The following ARHGAP10 variants were observed in gnomAD, a reference collection of about 807,000 sequenced individuals.
The protein encoded by ARHGAP10 is Rho GTPase activating protein 10, also known as rho GTPase-activating protein 10.
In ARHGAP10, 87 loss-of-function variants were observed where a neutral mutation model predicts 108.6. The observed-to-expected ratio is 0.80, with a 90% CI of 0.67 to 0.96. The LOEUF (loss-of-function observed/expected upper bound fraction) is 0.96. Among genes scored for constraint, ARHGAP10 ranks in the 40% least tolerant of loss-of-function variants. ARHGAP10 has a pLI of 0.00. For synonymous variants in ARHGAP10, 347 were observed against 341.1 expected (o/e 1.02, Z -0.19); for missense variants, 939 against 954.5 (o/e 0.98, Z 0.21).
chr4:148,012,505 GA>G (rs1741206368), intron 18 of ARHGAP10, among the ~76,000 whole-genome samples: 1 of 152,218 alleles, frequency 6.6e-6, no homozygotes, highest in African/African-American at 2.4e-5. Flanking sequence ...ACAGGAGTGA[GA>G]GGGGGAACAG....
intron 10 of ARHGAP10, among the ~76,000 whole-genome samples, chr4:147,889,387 C>T (rs1735698930): frequency 6.6e-6 from 1 of 152,202 alleles, no homozygotes; most frequent in Non-Finnish European, 1.5e-5. Flanking sequence ...GCAACCTCTG[C>T]CTCCCAGGTT....
chr4:147,891,695 A>G (rs532446885), intron 10 of ARHGAP10, among the ~76,000 whole-genome samples: 2 of 152,208 alleles, frequency 1.3e-5, no homozygotes. Flanking sequence ...AGGGTCTTAA[A>G]TCACTATAAA....
chr4:147,982,546 C>CTTTTTTTT (rs753773443), intron 18 of ARHGAP10, among the ~76,000 whole-genome samples: 30 of 66,228 alleles, frequency 4.5e-4, no homozygotes, highest in Non-Finnish European at 5.2e-4. Context: ...CCAGCTAAAT[C>CTTTTTTTT]TTTTTTTTTT....
intron 18 of ARHGAP10, among the ~76,000 whole-genome samples, chr4:147,982,546 CTTT>C (rs753773443): frequency 1.2e-4 from 8 of 66,272 alleles, no homozygotes; most frequent in African/African-American, 3.5e-4. Flanking sequence ...CCAGCTAAAT[CTTT>C]TTTTTTTTTT....
chr4:147,785,354 A>G (rs1730847726), intron 1 of ARHGAP10, among the ~76,000 whole-genome samples: 6 of 152,126 alleles, frequency 3.9e-5, no homozygotes, highest in Middle Eastern at 3.4e-3. Flanking sequence ...CCCGGATTTG[A>G]CATGTATTGG....
intron 13 of ARHGAP10, among the ~76,000 whole-genome samples, chr4:147,932,601 A>G (rs1396631259): frequency 6.6e-6 from 1 of 151,688 alleles, no homozygotes; most frequent in Non-Finnish European, 1.5e-5. Flanking sequence ...GGAGCTAAAT[A>G]ATAACACATG....
At chr4:147,963,758 A>C (rs2126994801) in intron 16 of ARHGAP10, among the ~76,000 whole-genome samples, 1 of 152,272 alleles carries the variant, frequency 6.6e-6, no homozygotes, top group East Asian at 1.9e-4. Context: ...AGACTGTAGG[A>C]GGGATCCCTC....
intron 18 of ARHGAP10, among the ~76,000 whole-genome samples, chr4:147,989,186 A>G (rs1352307453): frequency 6.6e-6 from 1 of 152,234 alleles, no homozygotes; most frequent in Non-Finnish European, 1.5e-5. Context: ...GAGTTTCAAA[A>G]GGGGAGGGAG....
chr4:147,824,614 A>G (rs1253739121), intron 3 of ARHGAP10, among the ~76,000 whole-genome samples: 1 of 152,028 alleles, frequency 6.6e-6, no homozygotes, highest in Admixed American at 6.5e-5. Context: ...TGGAAGGCAA[A>G]GGAGAAGCTG....
chr4:147,756,757 A>G (rs922076768), intron 1 of ARHGAP10, among the ~76,000 whole-genome samples: 2 of 152,172 alleles, frequency 1.3e-5, no homozygotes, highest in African/African-American at 4.8e-5. Context: ...CTCCCTGGAT[A>G]AGGGGGGACC....
chr4:147,911,127 C>G (rs566556114), intron 12 of ARHGAP10, among the ~76,000 whole-genome samples: 1 of 152,022 alleles, frequency 6.6e-6, no homozygotes, highest in East Asian at 1.9e-4. Flanking sequence ...TTAGAAAACA[C>G]GGTTTTGCTA....
chr4:148,055,505 A>G (rs185616739), intron 20 of ARHGAP10, among the ~76,000 whole-genome samples: 15 of 152,342 alleles, frequency 9.8e-5, no homozygotes, highest in Admixed American at 7.8e-4. Flanking sequence ...CCTGGCCAAC[A>G]TGGTGAAACC....
intron 8 of ARHGAP10, among the ~76,000 whole-genome samples, chr4:147,877,206 TATC>T (rs1735107612): frequency 6.6e-6 from 1 of 152,140 alleles, no homozygotes; most frequent in Non-Finnish European, 1.5e-5. Flanking sequence ...AAATAGACAG[TATC>T]ATCCTCTCTG....
At chr4:147,944,276 T>G (rs1443545354) in intron 14 of ARHGAP10, among the ~76,000 whole-genome samples, 1 of 152,226 alleles carries the variant, frequency 6.6e-6, no homozygotes, top group Non-Finnish European at 1.5e-5. Context: ...TCTGACAAGC[T>G]CAGTAACAAA....
intron 13 of ARHGAP10, among the ~76,000 whole-genome samples, chr4:147,933,456 C>A: frequency 6.6e-6 from 1 of 150,646 alleles, no homozygotes; most frequent in Admixed American, 6.7e-5. Context: ...TTATTTTCAT[C>A]TACCCAGTCT....
intron 13 of ARHGAP10, among the ~76,000 whole-genome samples, chr4:147,931,766 G>C (rs1317028356): frequency 6.6e-6 from 1 of 152,116 alleles, no homozygotes; most frequent in Non-Finnish European, 1.5e-5. Context: ...ATAGGCACAG[G>C]CAAAGATTTC....
At chr4:147,947,324 G>A (rs1472642107) in intron 15 of ARHGAP10, among the ~76,000 whole-genome samples, 1 of 148,178 alleles carries the variant, frequency 6.7e-6, no homozygotes, top group East Asian at 2.0e-4. Flanking sequence ...AATGAAAAAA[G>A]ATCACAACTG....
intron 1 of ARHGAP10, among the ~76,000 whole-genome samples, chr4:147,810,961 T>A (rs1731993717): frequency 6.6e-6 from 1 of 152,226 alleles, no homozygotes; most frequent in South Asian, 2.1e-4. Context: ...ACCTCAGAGT[T>A]TCCCTTCGGG....
intron 1 of ARHGAP10, among the ~76,000 whole-genome samples, chr4:147,763,617 G>A (rs190673436): frequency 5.8e-4 from 88 of 152,156 alleles, no homozygotes; most frequent in Admixed American, 3.6e-3. Flanking sequence ...GCCTGGCCTG[G>A]CCTGGCTGAG....
Sources: gnomAD v4.1 joint callset for allele counts (sites outside exome capture counted in the v4.1 genomes callset) on GRCh38, gnomAD v4.1.1 for gene constraint, MANE v1.5 for transcripts, NCBI Gene and HGNC (gene_info 2026-07-23, HGNC 2026-07-21) for gene names.